ATAD2B: variants seen among roughly 807,000 people sequenced by gnomAD.
The protein encoded by ATAD2B is ATPase family AAA domain containing 2B.
Under a neutral mutation model 167.6 loss-of-function variants are expected in ATAD2B, and 40 were observed. The ratio of observed to expected loss-of-function variants is 0.24; its 90% CI spans 0.19 to 0.31. The LOEUF (loss-of-function observed/expected upper bound fraction) is 0.31, where lower values mean the gene tolerates loss of function less well. ATAD2B is among the 10% of genes least tolerant of loss of function. The pLI is 1.00. For missense variants in ATAD2B, 1,242 were observed against 1,757.2 expected, an observed-to-expected ratio of 0.71 and a Z score of 5.24; for synonymous variants, 579 against 596.5, an observed-to-expected ratio of 0.97 and a Z score of 0.43.
chr2:23,804,618 G>A (rs1207501540), intron 18 of ATAD2B, among the ~76,000 whole-genome samples: 1 of 149,546 alleles, frequency 6.7e-6, no homozygotes, highest in African/African-American at 2.5e-5. Context: ...AGAGGATGAA[G>A]TTAGAATTCA....
At chr2:23,924,052 G>A (rs2150723811) in intron 1 of ATAD2B, among the ~76,000 whole-genome samples, 1 of 152,164 alleles carries the variant, frequency 6.6e-6, no homozygotes, top group East Asian at 1.9e-4. Context: ...GCGTGGTGGC[G>A]GGCGCCTGTA....
the ATAD2B span, among the ~76,000 whole-genome samples, chr2:23,705,222 G>A: frequency 6.6e-6 from 1 of 152,234 alleles, no homozygotes; most frequent in East Asian, 1.9e-4. Flanking sequence ...GCCAGGCACA[G>A]TGGCTCACGC....
chr2:23,738,885 G>A, the ATAD2B span, among the ~76,000 whole-genome samples: 93 of 152,204 alleles, frequency 6.1e-4, no homozygotes, highest in African/African-American at 2.1e-3. Flanking sequence ...ACAAAAAAAG[G>A]CAGGGGTTGC....
intron 19 of ATAD2B, among the ~76,000 whole-genome samples, chr2:23,794,235 C>T (rs111873216): frequency 0.079 from 11,980 of 152,290 alleles, 602 homozygotes; most frequent in South Asian, 0.12. Context: ...GTCTCATACT[C>T]CTAGGCTCAA....
chr2:23,700,308 A>AATT, the ATAD2B span, among the ~76,000 whole-genome samples: 1 of 152,342 alleles, frequency 6.6e-6, no homozygotes, highest in East Asian at 1.9e-4. This position sits in a 1 kb window ranked among gnomAD's most constrained non-coding sequence, Gnocchi z 4.6. Flanking sequence ...AAAATTTAAC[A>AATT]ATTTTTAATT....
At chr2:23,736,907 G>T in the ATAD2B span, among the ~76,000 whole-genome samples, 1 of 152,232 alleles carries the variant, frequency 6.6e-6, no homozygotes, top group Non-Finnish European at 1.5e-5. Flanking sequence ...CCCGCACCTG[G>T]CTCGGAGGGT....
At position 23,775,300 on chromosome 2, in the gene ATAD2B, AC is replaced by A. The variant is rs775766127; in HGVS notation, c.3133+7568del. 3.4e-5 allele frequency among the ~76,000 whole-genome samples: 5 copies of A among 148,308 alleles called. No homozygotes were observed. The East Asian group carries it at 8.0e-4, about 24-fold the overall frequency. On this transcript the variant is annotated intron_variant, in intron 22 of 27. Transcript: ENST00000238789. ...CATGATCTCAGCTCACTGCACTTCC[AC>A]CTCCTAGGTTCAAGCGATTCTCCTG...
chr2:23,733,941 A>G, the ATAD2B span, among the ~76,000 whole-genome samples: 1 of 152,192 alleles, frequency 6.6e-6, no homozygotes, highest in Non-Finnish European at 1.5e-5. Context: ...ATAGTTGCCT[A>G]AACTTGTTTG....
chr2:23,707,192 C>T, the ATAD2B span: 1 of 152,252 alleles, frequency 6.6e-6, no homozygotes, highest in African/African-American at 2.4e-5. Context: ...TGCTGGTCCC[C>T]ACTGGGGCTG....
Position 23,761,640 on chromosome 2 carries a change from G to A in ATAD2B, c.3394+569C>T, listed in dbSNP as rs79155390. Among the ~76,000 whole-genome samples the A allele has an allele frequency of 7.9e-5, 12 of 152,290 alleles. No individual in the cohort carries two copies. In the East Asian group the frequency reaches 2.3e-3, roughly 29 times the overall value. ...AGAAGAACTCTATTAGAAAGACGCA[G>A]TGTTTATTAACATTTGACTTTTGGA... is the stretch of plus-strand genomic sequence containing the variant. On this transcript the variant is annotated intron_variant, in intron 24 of 27. Coordinates refer to ENST00000238789, the MANE Select transcript of ATAD2B (RefSeq NM_017552.4).
intron 1 of ATAD2B, among the ~76,000 whole-genome samples, chr2:23,914,338 C>T (rs990532280): frequency 1.3e-5 from 2 of 151,914 alleles, no homozygotes; most frequent in African/African-American, 4.8e-5. Flanking sequence ...TCAAAACTCA[C>T]GAATCTCTAA....
chr2:23,857,032 G>C (rs1458981475), intron 13 of ATAD2B, among the ~76,000 whole-genome samples: 1 of 150,508 alleles, frequency 6.6e-6, no homozygotes, highest in Non-Finnish European at 1.5e-5. Context: ...AAGAGAGCAA[G>C]AACTCGTCTC....
chr2:23,694,830 G>A, the ATAD2B span, among the ~76,000 whole-genome samples: 1 of 152,012 alleles, frequency 6.6e-6, no homozygotes, highest in Admixed American at 6.6e-5. Context: ...TCTTACTCCT[G>A]CACCCACTAC....
the ATAD2B span, chr2:23,703,348 C>T: frequency 6.5e-7 from 1 of 1,528,498 alleles, no homozygotes; most frequent in South Asian, 1.2e-5. Flanking sequence ...CTCAGACCAA[C>T]ACGTGGAGCT....
chr2:23,839,223 A>G (rs1198797169), intron 13 of ATAD2B, among the ~76,000 whole-genome samples: 1 of 152,124 alleles, frequency 6.6e-6, no homozygotes, highest in African/African-American at 2.4e-5. Context: ...TTCAATATGC[A>G]TATCTTGTAT....
chr2:23,729,827 T>C, the ATAD2B span, among the ~76,000 whole-genome samples: 114 of 152,298 alleles, frequency 7.5e-4, 1 homozygote, highest in African/African-American at 2.5e-3. Flanking sequence ...GATAATAAAA[T>C]GTTCAATTCA....
At chr2:23,687,701 T>A in the ATAD2B span, among the ~76,000 whole-genome samples, 1 of 152,106 alleles carries the variant, frequency 6.6e-6, no homozygotes, top group Non-Finnish European at 1.5e-5. Flanking sequence ...ATGTGGGTTA[T>A]GAAGAATGGG....
At chr2:23,903,392 A>G (rs1300923265) in intron 1 of ATAD2B, among the ~76,000 whole-genome samples, 1 of 152,170 alleles carries the variant, frequency 6.6e-6, no homozygotes, top group Non-Finnish European at 1.5e-5. Context: ...TAATAATAAT[A>G]ATGTAAAATC....
intron 18 of ATAD2B, among the ~76,000 whole-genome samples, chr2:23,806,414 T>A (rs1053149156): frequency 6.6e-6 from 1 of 152,164 alleles, no homozygotes; most frequent in Non-Finnish European, 1.5e-5. Flanking sequence ...GCATGAATAG[T>A]CTCTTCTGTT....
Sources: gnomAD v4.1 joint callset for allele counts (sites outside exome capture counted in the v4.1 genomes callset) on GRCh38, gnomAD v4.1.1 for gene constraint, Gnocchi (gnomAD v3.1) non-coding constraint, MANE v1.5 for transcripts, NCBI Gene and HGNC (gene_info 2026-07-23, HGNC 2026-07-21) for gene names.